MEI4: variants seen among roughly 807,000 people sequenced by gnomAD.
MEI4 encodes meiotic double-stranded break formation protein 4, also known as meiosis-specific protein MEI4.
A neutral mutation model predicts 31.4 loss-of-function variants in MEI4; 27 were observed. That is an observed-to-expected ratio of 0.86 (90% CI 0.63 to 1.19). The LOEUF (loss-of-function observed/expected upper bound fraction) is 1.19, where lower values mean the gene tolerates loss of function less well. Ranked by LOEUF, MEI4 falls within the 50% of genes most tolerant of loss-of-function variation. The probability of loss-of-function intolerance (pLI) is 0.00; values close to 1 mark genes in which losing one functional copy is unlikely to be tolerated. For missense variants in MEI4, 329 were observed against 398.9 expected, an observed-to-expected ratio of 0.82 and a Z score of 1.49; for synonymous variants, 122 against 145.4, an observed-to-expected ratio of 0.84 and a Z score of 1.16.
chr6:77,923,384 T>TAAG lies in MEI4; in HGVS notation c.*40_*41insGAA. Reference sequence around the variant, plus strand: ...GCAATTTACCACGTTTGAAGCATAATAAAGTAGAATATATGAAAATCTCAT... The same window carrying TAAG: ...GCAATTTACCACGTTTGAAGCATAATAAGAAAGTAGAATATATGAAAATCTCAT... On this transcript the variant is annotated 3_prime_UTR_variant, in exon 5 of 5. Coordinates refer to ENST00000684080, the MANE Select transcript of MEI4 (RefSeq NM_001322247.2). 3 of 1,217,892 alleles carry TAAG rather than the reference T, an allele frequency of 2.5e-6. No individual in the cohort carries two copies. Among genetic ancestry groups the TAAG allele is most frequent in the Non-Finnish European group, 3.1e-6 (3 of 975,894 alleles). The allele number at this position is 1,217,892 out of a possible 1,614,324, so 75.4% of individuals were successfully genotyped here. A position where few individuals can be genotyped will look rare whatever the true frequency, so the allele number is the denominator to read the frequency against.
At chr6:77,797,037 A>T (rs910080562) in intron 3 of MEI4, among the ~76,000 whole-genome samples, 4 of 150,880 alleles carry the variant, frequency 2.7e-5, no homozygotes, top group African/African-American at 9.9e-5. Context: ...ATAAACACAC[A>T]TGTGTATGAT....
intron 2 of MEI4, among the ~76,000 whole-genome samples, chr6:77,743,288 T>C (rs1015838003): frequency 4.6e-5 from 7 of 152,126 alleles, no homozygotes; most frequent in African/African-American, 1.7e-4. Flanking sequence ...GTATCCTCTT[T>C]TATTTCCTTG....
chr6:77,911,944 T>G (rs537999421), intron 4 of MEI4, among the ~76,000 whole-genome samples: 2 of 151,990 alleles, frequency 1.3e-5, no homozygotes, highest in East Asian at 3.9e-4. Flanking sequence ...TTTCTTCTAG[T>G]TGTTTCATAG....
chr6:77,913,590 G>A (rs1284143414), intron 4 of MEI4, among the ~76,000 whole-genome samples: 1 of 151,840 alleles, frequency 6.6e-6, no homozygotes, highest in East Asian at 1.9e-4. Flanking sequence ...GTTCATAATT[G>A]TCTGTGATGA....
Position 77,837,983 on chromosome 6 carries a change from A to G in MEI4, c.900+8921A>G, listed in dbSNP as rs141077863. 7.0e-3 allele frequency among the ~76,000 whole-genome samples: 1,060 copies of G among 152,226 alleles called. 13 individuals carry two copies. The highest frequency in any genetic ancestry group is 0.024 in the African/African-American group (1,000 of 41,546). ...GACAACAGTGCCACCTATCTCATAC[A>G]GTTTTTGGGGGTCTCATGAGGTAAT... On this transcript the variant is annotated intron_variant, in intron 4 of 4. Transcript: ENST00000684080.
chr6:77,715,313 G>C (rs185742019), intron 2 of MEI4, among the ~76,000 whole-genome samples: 66 of 152,190 alleles, frequency 4.3e-4, no homozygotes, highest in Non-Finnish European at 2.6e-4. Flanking sequence ...TTTTTAACTA[G>C]TTATAAAAAC....
chr6:77,774,256 AATCTAAGTGTCC>A (rs2127687593), intron 3 of MEI4, among the ~76,000 whole-genome samples: 1 of 152,210 alleles, frequency 6.6e-6, no homozygotes, highest in South Asian at 2.1e-4. Context: ...ACTGGGGAGC[AATCTAAGTGTCC>A]ATCATCAGAC....
chr6:77,757,065 T>C (rs1767935304), intron 2 of MEI4, among the ~76,000 whole-genome samples: 1 of 152,218 alleles, frequency 6.6e-6, no homozygotes, highest in South Asian at 2.1e-4. Flanking sequence ...TGGAATGTAA[T>C]GATTTCACTT....
chr6:77,804,251 G>T (rs1769365430), intron 3 of MEI4, among the ~76,000 whole-genome samples: 1 of 152,208 alleles, frequency 6.6e-6, no homozygotes, highest in African/African-American at 2.4e-5. Flanking sequence ...AAGACTCTGA[G>T]CCATGTACGG....
chr6:77,750,398 T>C (rs1190628269), intron 2 of MEI4, among the ~76,000 whole-genome samples: 1 of 152,144 alleles, frequency 6.6e-6, no homozygotes, highest in African/African-American at 2.4e-5. Flanking sequence ...AAGACACACA[T>C]AGGCTCAAAA....
intron 4 of MEI4, among the ~76,000 whole-genome samples, chr6:77,890,573 T>A (rs968298821): frequency 6.6e-6 from 1 of 152,180 alleles, no homozygotes; most frequent in Non-Finnish European, 1.5e-5. Flanking sequence ...ACTTTAGGGT[T>A]AATGCTAGAA....
At chr6:77,785,714 G>C (rs1561987198) in intron 3 of MEI4, among the ~76,000 whole-genome samples, 1 of 152,130 alleles carries the variant, frequency 6.6e-6, no homozygotes, top group African/African-American at 2.4e-5. Flanking sequence ...GTGGAGATGA[G>C]TAGAGATTTC....
intron 4 of MEI4, among the ~76,000 whole-genome samples, chr6:77,896,377 A>G (rs1004230302): frequency 6.6e-6 from 1 of 152,132 alleles, no homozygotes; most frequent in African/African-American, 2.4e-5. Flanking sequence ...GATTTAATCT[A>G]TGATGATATT....
intron 4 of MEI4, among the ~76,000 whole-genome samples, chr6:77,875,652 T>C (rs1294541285): frequency 6.6e-6 from 1 of 152,224 alleles, no homozygotes; most frequent in African/African-American, 2.4e-5. Flanking sequence ...CACTGAATAC[T>C]GTTACAGATT....
chr6:77,806,979 T>C (rs1240238412), intron 3 of MEI4, among the ~76,000 whole-genome samples: 1 of 152,136 alleles, frequency 6.6e-6, no homozygotes, highest in East Asian at 1.9e-4. Flanking sequence ...TCTGACCTTT[T>C]AAGATAACCA....
At chr6:77,685,103 T>C (rs2127650505) in intron 1 of MEI4, among the ~76,000 whole-genome samples, 1 of 152,310 alleles carries the variant, frequency 6.6e-6, no homozygotes, top group South Asian at 2.1e-4. Context: ...TGATAATCAG[T>C]GATGCTGTGA....
intron 3 of MEI4, among the ~76,000 whole-genome samples, chr6:77,763,083 A>G (rs1421258641): frequency 6.6e-6 from 1 of 152,120 alleles, no homozygotes; most frequent in Non-Finnish European, 1.5e-5. Context: ...TTGCCTTCAT[A>G]TATGTATTGG....
chr6:77,683,087 T>G (rs1191001887), intron 1 of MEI4, among the ~76,000 whole-genome samples: 3 of 152,174 alleles, frequency 2.0e-5, no homozygotes, highest in African/African-American at 7.2e-5. Context: ...TGTTGTTGAA[T>G]CAATGGTGTA....
intron 4 of MEI4, among the ~76,000 whole-genome samples, chr6:77,853,429 G>C (rs1272611459): frequency 1.3e-5 from 2 of 152,154 alleles, no homozygotes; most frequent in African/African-American, 4.8e-5. Context: ...AAACAAAAGT[G>C]CTATGCTATC....
Sources: gnomAD v4.1 joint callset for allele counts (sites outside exome capture counted in the v4.1 genomes callset) on GRCh38, gnomAD v4.1.1 for gene constraint, MANE v1.5 for transcripts, NCBI Gene and HGNC (gene_info 2026-07-23, HGNC 2026-07-21) for gene names.